PRELID3A: variants seen among roughly 807,000 people sequenced by gnomAD.
PRELID3A encodes PRELI domain containing 3A, also known as PRELI domain containing protein 3A.
In PRELID3A, 27 loss-of-function variants were observed where a neutral mutation model predicts 23.0. The observed-to-expected ratio is 1.17, with a 90% CI of 0.87 to 1.62. PRELID3A has a LOEUF of 1.62. Ranked by LOEUF, PRELID3A falls within the 40% of genes most tolerant of loss-of-function variation. PRELID3A has a pLI of 0.00. For synonymous variants in PRELID3A, 87 were observed against 86.4 expected, an observed-to-expected ratio of 1.01 and a Z score of -0.04; for missense variants, 231 against 231.4, an observed-to-expected ratio of 1.00 and a Z score of 0.01.
intron 3 of PRELID3A, among the ~76,000 whole-genome samples, chr18:12,423,169 A>T (rs568281844): frequency 1.0e-3 from 154 of 152,188 alleles, no homozygotes; most frequent in African/African-American, 3.6e-3. Flanking sequence ...CCACAAACAG[A>T]TGGCGTTAGA....
At chr18:12,423,427 G>C (rs1030692798) in intron 3 of PRELID3A, among the ~76,000 whole-genome samples, 3 of 152,206 alleles carry the variant, frequency 2.0e-5, no homozygotes, top group Non-Finnish European at 4.4e-5. Context: ...TAATTGTCCA[G>C]GTGAGAGGTA....
intron 5 of PRELID3A, among the ~76,000 whole-genome samples, chr18:12,427,715 T>A (rs915401505): frequency 5.3e-5 from 8 of 151,134 alleles, no homozygotes; most frequent in South Asian, 2.1e-4. Flanking sequence ...AAAATAAAAA[T>A]AAAAAATAAA....
chr18:12,425,233 G>A (rs1598863428), intron 3 of PRELID3A, among the ~76,000 whole-genome samples: 1 of 152,120 alleles, frequency 6.6e-6, no homozygotes. Flanking sequence ...TGTGTGTGTG[G>A]CTACCATATC....
At chr18:12,421,271 C>T in intron 2 of PRELID3A, 1 of 440,240 alleles carries the variant, frequency 2.3e-6, no homozygotes, top group Non-Finnish European at 4.1e-6. Flanking sequence ...AGAGGGGCCT[C>T]CTAGCTCCAC....
intron 1 of PRELID3A, among the ~76,000 whole-genome samples, chr18:12,414,323 A>G (rs2029883078): frequency 6.6e-6 from 1 of 152,232 alleles, no homozygotes. Flanking sequence ...AGCAGTGAGG[A>G]CTGCGGTGAC....
chr18:12,411,627 G>A (rs1370587089), intron 1 of PRELID3A, among the ~76,000 whole-genome samples: 1 of 152,244 alleles, frequency 6.6e-6, no homozygotes, highest in African/African-American at 2.4e-5. Flanking sequence ...CAGCTGCCAG[G>A]AATGTCTGGC....
At chr18:12,411,761 C>G (rs1303604133) in intron 1 of PRELID3A, among the ~76,000 whole-genome samples, 1 of 152,168 alleles carries the variant, frequency 6.6e-6, no homozygotes, top group Non-Finnish European at 1.5e-5. Context: ...GCCTGCTCTT[C>G]CCCTCCCCAC....
chr18:12,421,544 T>G lies in PRELID3A; in HGVS notation c.206T>G (p.Leu69Trp), dbSNP rs1323648385. 5.0e-6 allele frequency: 8 copies of G among 1,609,942 alleles called. No individual in the cohort carries two copies. Among genetic ancestry groups the G allele is most frequent in the South Asian group, 1.1e-5 (1 of 90,962 alleles). The change falls in exon 3 of 7, where the codon TTG becomes TGG. Residue 69 changes from leucine (L) to tryptophan (W), a missense_variant. Physicochemically the swap from Leu to Trp is moderately conservative, Grantham distance 61. Coordinates refer to ENST00000440960, the MANE Select transcript of PRELID3A (RefSeq NM_001142405.2). ...WGLPSLVRAI[L>W]GTSRTLTYIR... ...TAGTTTTGCTTTGTTTTCTAGATTT[T>G]GGGAACCAGTAGGACATTGACATAC...
rs1473674774 is a variant in PRELID3A, at chr18:12,416,386, T to G, written c.33-3939T>G. 3.3e-5 allele frequency among the ~76,000 whole-genome samples: 5 copies of G among 152,366 alleles called. No individual in the cohort carries two copies. The South Asian group carries it at 1.0e-3, about 32-fold the overall frequency. ...GTGCAGTGGTACAATCATGGCTTGCTGCAGCCTCGACCTCCGGTCTTAGGT... is the reference window on the plus strand; with the variant it reads ...GTGCAGTGGTACAATCATGGCTTGCGGCAGCCTCGACCTCCGGTCTTAGGT... On this transcript the variant is annotated intron_variant, in intron 1 of 6. Coordinates refer to ENST00000440960, the MANE Select transcript of PRELID3A (RefSeq NM_001142405.2).
chr18:12,419,134 C>T (rs955493409), intron 1 of PRELID3A, among the ~76,000 whole-genome samples: 1 of 150,818 alleles, frequency 6.6e-6, no homozygotes. Context: ...CAAGCCTGGC[C>T]AACATGGTGA....
intron 1 of PRELID3A, chr18:12,420,092 G>A (rs2030104272): frequency 7.1e-7 from 1 of 1,404,676 alleles, no homozygotes; most frequent in Non-Finnish European, 9.3e-7. Context: ...GCGACAGAGT[G>A]AGACCCTGTC....
chr18:12,428,564 A>T (rs1406262107), intron 5 of PRELID3A, among the ~76,000 whole-genome samples: 1 of 152,212 alleles, frequency 6.6e-6, no homozygotes, highest in African/African-American at 2.4e-5. Flanking sequence ...GTGGAAAACC[A>T]TTTATGGCTT....
intron 1 of PRELID3A, among the ~76,000 whole-genome samples, chr18:12,411,886 A>G (rs150468193): frequency 2.7e-5 from 4 of 150,604 alleles, no homozygotes; most frequent in Non-Finnish European, 4.4e-5. Context: ...GTGTATACGC[A>G]TGTGTCATAT....
At position 12,426,126 on chromosome 18, in the gene PRELID3A, CT is replaced by C. The variant is rs1352520870; in HGVS notation, c.292-914del. On this transcript the variant is annotated intron_variant, in intron 3 of 6. Coordinates refer to ENST00000440960, the MANE Select transcript of PRELID3A (RefSeq NM_001142405.2). Reference sequence around the variant, plus strand: ...TGGTGGCACATGCCTGTAATCCCAGCTACTCCGGAGGCTGAGGCAGGGGAAT... The same window carrying C: ...TGGTGGCACATGCCTGTAATCCCAGCACTCCGGAGGCTGAGGCAGGGGAAT... 6.1e-4 allele frequency among the ~76,000 whole-genome samples: 93 copies of C among 151,588 alleles called. 1 individual carries two copies. Among genetic ancestry groups the C allele is most frequent in the African/African-American group, 2.1e-3 (87 of 41,156 alleles).
chr18:12,409,267 A>C (rs539323230), intron 1 of PRELID3A, among the ~76,000 whole-genome samples: 1 of 145,174 alleles, frequency 6.9e-6, no homozygotes, highest in African/African-American at 2.6e-5. Flanking sequence ...CCTGGGTTCA[A>C]GTGATTCTCG....
Position 12,431,919 on chromosome 18 carries a change from A to C in PRELID3A, c.*803A>C, listed in dbSNP as rs1415536563. 6 of 152,212 alleles carry C rather than the reference A, an allele frequency of 3.9e-5. No individual in the cohort carries two copies. Among genetic ancestry groups the C allele is most frequent in the Non-Finnish European group, 7.3e-5 (5 of 68,040 alleles). The allele number at this position is 152,212 out of a possible 1,614,324, so 9.4% of individuals were successfully genotyped here. On this transcript the variant is annotated 3_prime_UTR_variant, in exon 7 of 7. Transcript: ENST00000440960. ...AGGCCATGGATCCCTCATAGTATCCAAGGTTTGAGTTCCTGTTTTTCGCCT... is the reference window on the plus strand; with the variant it reads ...AGGCCATGGATCCCTCATAGTATCCCAGGTTTGAGTTCCTGTTTTTCGCCT...
intron 4 of PRELID3A, 46 bp from the exon 5 acceptor site, chr18:12,427,175 T>C (rs2030407912): frequency 1.3e-6 from 2 of 1,596,340 alleles, no homozygotes; most frequent in Non-Finnish European, 1.7e-6. Flanking sequence ...CAGACCCTCC[T>C]CTCTCTCAGG....
At chr18:12,410,631 T>C (rs902154342) in intron 1 of PRELID3A, 3 of 152,220 alleles carry the variant, frequency 2.0e-5, no homozygotes, top group African/African-American at 7.2e-5. Flanking sequence ...TCTTTTTCTT[T>C]CTATACTTAA....
At chr18:12,430,357 T>G (rs2030529169) in intron 6 of PRELID3A, among the ~76,000 whole-genome samples, 1 of 144,602 alleles carries the variant, frequency 6.9e-6, no homozygotes, top group South Asian at 2.2e-4. Context: ...GGTATGTATA[T>G]ATGTGTGTGT....
Sources: gnomAD v4.1 joint callset for allele counts (sites outside exome capture counted in the v4.1 genomes callset) on GRCh38, gnomAD v4.1.1 for gene constraint, MANE v1.5 for transcripts, NCBI Gene and HGNC (gene_info 2026-07-23, HGNC 2026-07-21) for gene names.